The following PHIP variants were observed in gnomAD, a reference collection of about 807,000 sequenced individuals.
The protein encoded by PHIP is PHIP subunit of CUL4-Ring ligase complex.
PHIP carries 54 observed loss-of-function variants against 236.8 expected under a neutral mutation model. That is an observed-to-expected ratio of 0.23 (90% CI 0.18 to 0.29). PHIP has a LOEUF of 0.29. PHIP is among the 10% of genes least tolerant of loss of function. The pLI is 1.00. For synonymous variants in PHIP, 756 were observed against 718.9 expected, an observed-to-expected ratio of 1.05 and a Z score of -0.83; for missense variants, 1,370 against 2,190.8, an observed-to-expected ratio of 0.63 and a Z score of 7.48.
intron 30 of PHIP, among the ~76,000 whole-genome samples, chr6:78,962,790 A>G (rs1183172254): frequency 6.6e-6 from 1 of 152,162 alleles, no homozygotes; most frequent in Non-Finnish European, 1.5e-5. Context: ...TCCAATTCAT[A>G]TCATGTCAGC....
intron 17 of PHIP, among the ~76,000 whole-genome samples, chr6:79,000,442 T>C (rs1448507927): frequency 6.6e-6 from 1 of 152,078 alleles, no homozygotes; most frequent in Non-Finnish European, 1.5e-5. Context: ...TCTCTCAACC[T>C]GCAGGACTGG....
intron 30 of PHIP, among the ~76,000 whole-genome samples, chr6:78,962,555 T>G (rs551531336): frequency 2.9e-4 from 44 of 152,264 alleles, no homozygotes; most frequent in African/African-American, 1.0e-3. Context: ...GATTCTTTAT[T>G]GAGAGAGTGG....
At position 78,939,573 on chromosome 6, in the gene PHIP, ATATAAG is replaced by A. The variant is rs1307588413; in HGVS notation, c.*1114_*1119del. ...AAAGAATTTATACCTGGGTAATAGT[ATATAAG>A]TATGTGTTTGTATATATATTTAATT... On this transcript the variant is annotated 3_prime_UTR_variant, in exon 40 of 40. Transcript: ENST00000275034. The A allele has an allele frequency of 2.6e-5, 4 of 152,100 alleles. No homozygotes were observed. Among genetic ancestry groups the A allele is most frequent in the East Asian group, 1.9e-4 (1 of 5,192 alleles). The allele number at this position is 152,100 out of a possible 1,614,324, so 9.4% of individuals were successfully genotyped here. A position where few individuals can be genotyped will look rare whatever the true frequency, so the allele number is the denominator to read the frequency against.
chr6:79,030,112 G>C (rs1221677977), intron 7 of PHIP, among the ~76,000 whole-genome samples: 1 of 152,144 alleles, frequency 6.6e-6, no homozygotes. Flanking sequence ...GAAAGAAAAG[G>C]AAGTAGGGAG....
At chr6:79,056,596 G>T (rs1212655608) in intron 6 of PHIP, among the ~76,000 whole-genome samples, 1 of 152,052 alleles carries the variant, frequency 6.6e-6, no homozygotes, top group Non-Finnish European at 1.5e-5. Context: ...GGGGGTAGTG[G>T]GGATGCTACT....
chr6:79,073,806 CAAG>C (rs1774015084), intron 4 of PHIP, among the ~76,000 whole-genome samples: 1 of 152,062 alleles, frequency 6.6e-6, no homozygotes, highest in African/African-American at 2.4e-5. Context: ...ATCTTTGCAA[CAAG>C]AAATGATATT....
intron 4 of PHIP, 118 bp downstream of exon 4, chr6:79,077,330 G>T: frequency 3.1e-6 from 3 of 966,050 alleles, no homozygotes; most frequent in Non-Finnish European, 4.9e-6. Context: ...CCTCCCCATG[G>T]CCTTTGGAGC....
At chr6:78,965,604 TACTC>T (rs1767076131) in intron 29 of PHIP, 95 bp downstream of exon 29, 2 of 684,644 alleles carry the variant, frequency 2.9e-6, no homozygotes, top group African/African-American at 1.8e-5. Flanking sequence ...TTCTATTTGA[TACTC>T]ACAACTGTAA....
intron 9 of PHIP, among the ~76,000 whole-genome samples, chr6:79,023,956 CAGT>C (rs1356998080): frequency 6.6e-6 from 1 of 152,152 alleles, no homozygotes; most frequent in East Asian, 1.9e-4. Context: ...GGTTAAAAAA[CAGT>C]AGCAACAATT....
intron 4 of PHIP, among the ~76,000 whole-genome samples, chr6:79,063,735 A>G (rs1178078558): frequency 2.6e-5 from 4 of 152,178 alleles, no homozygotes; most frequent in Non-Finnish European, 4.4e-5. Flanking sequence ...GTTTTAAAAC[A>G]CTTTTTAAAG....
intron 32 of PHIP, chr6:78,956,427 C>A (rs1328928967): frequency 6.6e-6 from 1 of 152,106 alleles, no homozygotes; most frequent in South Asian, 2.1e-4. Context: ...GCTATTTATG[C>A]TTTTTGTCTC....
chr6:78,992,398 C>T (rs1769324275), intron 19 of PHIP, among the ~76,000 whole-genome samples: 1 of 152,148 alleles, frequency 6.6e-6, no homozygotes, highest in Admixed American at 6.5e-5. Context: ...GAGACTTCCC[C>T]AGTTTTACTT....
chr6:79,022,804 A>G (rs1771187329), intron 9 of PHIP, among the ~76,000 whole-genome samples: 2 of 152,218 alleles, frequency 1.3e-5, no homozygotes, highest in South Asian at 4.1e-4. Flanking sequence ...ACACACATAC[A>G]AGTGAATTTA....
At position 78,937,935 on chromosome 6, in the gene PHIP, T is replaced by C. The variant is rs1318839070; in HGVS notation, c.*2758A>G. On this transcript the variant is annotated 3_prime_UTR_variant, in exon 40 of 40. Coordinates refer to ENST00000275034, the MANE Select transcript of PHIP (RefSeq NM_017934.7). ...ACACTTTCCATGCATGTAAGAGTTA[T>C]ATTTCTGAACTTTCAGTAAATTGGA... 2 of 151,828 alleles carry C rather than the reference T, an allele frequency of 1.3e-5. No homozygotes were observed. The highest frequency in any genetic ancestry group is 2.4e-5 in the African/African-American group (1 of 41,544). The allele number at this position is 151,828 out of a possible 1,614,324, so 9.4% of individuals were successfully genotyped here.
At chr6:79,008,273 G>C (rs1168301632) in intron 15 of PHIP, among the ~76,000 whole-genome samples, 3 of 151,596 alleles carry the variant, frequency 2.0e-5, no homozygotes, top group South Asian at 2.1e-4. Flanking sequence ...TTTTAATCTT[G>C]AAAATTCTTT....
chr6:78,982,771 T>C, intron 23 of PHIP, 115 bp downstream of exon 23: 1 of 639,882 alleles, frequency 1.6e-6, no homozygotes, highest in East Asian at 2.7e-5. Context: ...CTGAGTTTTT[T>C]CTATTATTAT....
chr6:79,063,921 C>T (rs1773502817), intron 4 of PHIP, among the ~76,000 whole-genome samples: 1 of 152,118 alleles, frequency 6.6e-6, no homozygotes, highest in African/African-American at 2.4e-5. Context: ...CTGGAAAGAA[C>T]AGTGGAAACA....
chr6:78,961,306 A>G (rs2127697591), intron 31 of PHIP, among the ~76,000 whole-genome samples: 1 of 151,928 alleles, frequency 6.6e-6, no homozygotes, highest in African/African-American at 2.4e-5. Context: ...TTTTTATTAT[A>G]TATTATATTA....
chr6:79,065,764 C>CCACACACACA (rs58570604), intron 4 of PHIP, among the ~76,000 whole-genome samples: 62 of 143,468 alleles, frequency 4.3e-4, no homozygotes, highest in South Asian at 1.6e-3. Flanking sequence ...CTTAACTATA[C>CCACACACACA]CACACACACA....
Sources: gnomAD v4.1 joint callset for allele counts (sites outside exome capture counted in the v4.1 genomes callset) on GRCh38, gnomAD v4.1.1 for gene constraint, MANE v1.5 for transcripts, NCBI Gene and HGNC (gene_info 2026-07-23, HGNC 2026-07-21) for gene names.